The following DCC variants were observed in gnomAD, a reference collection of about 807,000 sequenced individuals.
The protein encoded by DCC is netrin receptor DCC.
A neutral mutation model predicts 172.5 loss-of-function variants in DCC; 58 were observed. The ratio of observed to expected loss-of-function variants is 0.34; its 90% CI spans 0.27 to 0.42. The LOEUF (loss-of-function observed/expected upper bound fraction) is 0.42. DCC is among the 10% of genes least tolerant of loss of function. The pLI, the probability that DCC is intolerant of heterozygous loss-of-function variation, is 1.00. For synonymous variants in DCC, 709 were observed against 644.5 expected (o/e 1.10, Z -1.52); for missense variants, 1,740 against 1,791.0 (o/e 0.97, Z 0.51).
At chr18:52,690,735 A>G (rs1389106156) in intron 1 of DCC, among the ~76,000 whole-genome samples, 1 of 152,172 alleles carries the variant, frequency 6.6e-6, no homozygotes, top group African/African-American at 2.4e-5. Flanking sequence ...CAAAGTATAA[A>G]TCAATGTATA....
intron 12 of DCC, among the ~76,000 whole-genome samples, chr18:53,303,968 G>A (rs1005408911): frequency 1.3e-5 from 2 of 152,142 alleles, no homozygotes; most frequent in African/African-American, 4.8e-5. Context: ...GGAGTGGGAA[G>A]ATGATCTTCC....
chr18:52,820,160 C>T (rs1315893136), intron 2 of DCC, among the ~76,000 whole-genome samples: 1 of 152,084 alleles, frequency 6.6e-6, no homozygotes, highest in African/African-American at 2.4e-5. Flanking sequence ...AGCAGTCCTC[C>T]CATGAATTTA....
At position 52,861,026 on chromosome 18, in the gene DCC, A is replaced by T. The variant is rs971459196; in HGVS notation, c.413-45018A>T. Among the ~76,000 whole-genome samples the T allele has an allele frequency of 3.4e-3, 517 of 151,824 alleles. 3 individuals carry two copies. The highest frequency in any genetic ancestry group is 5.7e-3 in the African/African-American group (234 of 41,330). On this transcript the variant is annotated intron_variant, in intron 2 of 28. Transcript: ENST00000442544. ...GAATCCATTTCAAAAAAAAAAAAAA[A>T]AAAAATTTTGGCTTCACTGTGACTT...
At chr18:53,493,710 C>T (rs149690885) in intron 26 of DCC, among the ~76,000 whole-genome samples, 1 of 152,108 alleles carries the variant, frequency 6.6e-6, no homozygotes, top group African/African-American at 2.4e-5. Flanking sequence ...TTTCAAAAAA[C>T]CAGCTCCTTG....
intron 7 of DCC, among the ~76,000 whole-genome samples, chr18:53,098,169 AG>A (rs1224595983): frequency 1.3e-5 from 2 of 152,160 alleles, no homozygotes; most frequent in African/African-American, 4.8e-5. Context: ...AGCTCAGTGT[AG>A]AATGGTACTA....
intron 2 of DCC, among the ~76,000 whole-genome samples, chr18:52,874,590 T>C (rs2039374391): frequency 6.6e-6 from 1 of 152,210 alleles, no homozygotes; most frequent in Non-Finnish European, 1.5e-5. Context: ...CTACATCATA[T>C]CTCTTTTATG....
At chr18:52,642,607 T>C (rs981936511) in intron 1 of DCC, among the ~76,000 whole-genome samples, 1 of 152,192 alleles carries the variant, frequency 6.6e-6, no homozygotes, top group African/African-American at 2.4e-5. Flanking sequence ...CTCATGATGT[T>C]CTTAATATTT....
intron 1 of DCC, among the ~76,000 whole-genome samples, chr18:52,512,987 G>A (rs1055866548): frequency 1.3e-5 from 2 of 152,138 alleles, no homozygotes; most frequent in South Asian, 4.1e-4. Context: ...CAATAGAGAG[G>A]GAGCTAGGAG....
intron 1 of DCC, among the ~76,000 whole-genome samples, chr18:52,486,931 C>T (rs1224091082): frequency 6.6e-6 from 1 of 152,056 alleles, no homozygotes; most frequent in Non-Finnish European, 1.5e-5. Context: ...TGCTATTGTT[C>T]TCTGTAGGGA....
intron 13 of DCC, among the ~76,000 whole-genome samples, chr18:53,315,140 T>A (rs2057328847): frequency 6.6e-6 from 1 of 152,006 alleles, no homozygotes; most frequent in South Asian, 2.1e-4. Flanking sequence ...CAGGACCTGG[T>A]GTATGATGTT....
At chr18:52,374,906 C>T (rs1985280009) in intron 1 of DCC, among the ~76,000 whole-genome samples, 1 of 152,190 alleles carries the variant, frequency 6.6e-6, no homozygotes, top group Non-Finnish European at 1.5e-5. Context: ...GTGTTACACT[C>T]CTTTTTTTCT....
At chr18:52,587,882 G>A (rs1797394004) in intron 1 of DCC, among the ~76,000 whole-genome samples, 1 of 152,180 alleles carries the variant, frequency 6.6e-6, no homozygotes, top group African/African-American at 2.4e-5. Flanking sequence ...AGAAGGTAGG[G>A]TGGCAGGAGT....
intron 1 of DCC, among the ~76,000 whole-genome samples, chr18:52,515,259 T>C (rs2031587510): frequency 6.6e-6 from 1 of 151,656 alleles, no homozygotes; most frequent in Admixed American, 6.6e-5. Flanking sequence ...ATATAAGAAA[T>C]AAAAAATGAA....
In DCC at chr18:52,996,764, A is replaced by T. The variant is rs977468329; in HGVS notation, c.986-66541A>T. On this transcript the variant is annotated intron_variant, in intron 5 of 28. Coordinates refer to ENST00000442544, the MANE Select transcript of DCC (RefSeq NM_005215.4). ...ATTTATTTCTCTTCTCAAACACATC[A>T]CCTTTTTCTTTTTTTTTTTTTTTTT... 5.3e-5 allele frequency among the ~76,000 whole-genome samples: 7 copies of T among 133,150 alleles called. No homozygotes were observed. In the East Asian group the frequency reaches 9.4e-4, roughly 18 times the overall value. The allele number at this position is 133,150 out of a possible 152,430, so 87.4% of individuals were successfully genotyped here. A position where few individuals can be genotyped will look rare whatever the true frequency, so the allele number is the denominator to read the frequency against.
chr18:52,957,099 A>G (rs1235827663), intron 5 of DCC, among the ~76,000 whole-genome samples: 5 of 152,184 alleles, frequency 3.3e-5, no homozygotes, highest in Admixed American at 2.6e-4. Flanking sequence ...AAGAACAATC[A>G]AATGGTGAAG....
chr18:52,695,815 A>C (rs1159989764), intron 1 of DCC, among the ~76,000 whole-genome samples: 1 of 152,212 alleles, frequency 6.6e-6, no homozygotes, highest in African/African-American at 2.4e-5. Flanking sequence ...TTTCAATTAT[A>C]AACTGCCCAG....
At chr18:52,718,524 A>G (rs2036424991) in intron 1 of DCC, among the ~76,000 whole-genome samples, 1 of 152,158 alleles carries the variant, frequency 6.6e-6, no homozygotes, top group African/African-American at 2.4e-5. Context: ...AACAATATAG[A>G]GAGGGCTAGT....
chr18:52,681,646 T>C (rs189740014), intron 1 of DCC, among the ~76,000 whole-genome samples: 1 of 152,200 alleles, frequency 6.6e-6, no homozygotes, highest in East Asian at 1.9e-4. Flanking sequence ...TCTGACTTGG[T>C]TTTGGAACTG....
intron 2 of DCC, among the ~76,000 whole-genome samples, chr18:52,895,671 C>T (rs1334417254): frequency 6.6e-6 from 1 of 152,180 alleles, no homozygotes; most frequent in East Asian, 1.9e-4. Flanking sequence ...ACCAATTGTG[C>T]AATTAGCCCA....
Sources: allele counts gnomAD v4.1 joint callset (sites outside exome capture counted in the v4.1 genomes callset), GRCh38; gene constraint gnomAD v4.1.1; transcripts MANE v1.5; gene names NCBI Gene and HGNC (gene_info 2026-07-23, HGNC 2026-07-21).